Variants in ANKS1B observed in about 807,000 individuals in gnomAD.
The protein encoded by ANKS1B is ankyrin repeat and sterile alpha motif domain containing 1B.
ANKS1B carries 36 observed loss-of-function variants against 148.3 expected under a neutral mutation model. The observed-to-expected ratio is 0.24, with a 90% CI of 0.19 to 0.32. The LOEUF is 0.32. Ranked by LOEUF, ANKS1B falls within the 10% of genes least tolerant of loss-of-function variation. The pLI, the probability that ANKS1B is intolerant of heterozygous loss-of-function variation, is 1.00. For synonymous variants in ANKS1B, 542 were observed against 560.8 expected (o/e 0.97, Z 0.47); for missense variants, 1,157 against 1,542.6 (o/e 0.75, Z 4.19).
At chr12:99,122,572 G>C (rs1315671899) in intron 15 of ANKS1B, among the ~76,000 whole-genome samples, 1 of 152,112 alleles carries the variant, frequency 6.6e-6, no homozygotes, top group African/African-American at 2.4e-5. Context: ...GTGTATGCAA[G>C]GTAAATAACT....
rs192157772 is a variant in ANKS1B at position 99,362,065 on chromosome 12, C to T, written c.1756+37566G>A. On this transcript the variant is annotated intron_variant, in intron 12 of 26. Coordinates refer to ENST00000683438, the MANE Select transcript of ANKS1B (RefSeq NM_001352186.2). ...TAATTATGAAGAAAATCCTAATAAT[C>T]GACTTCATTGTAGACAATATCCTAA... 3.3e-4 allele frequency among the ~76,000 whole-genome samples: 50 copies of T among 152,092 alleles called. 1 individual carries two copies. The East Asian group carries it at 7.5e-3, about 23-fold the overall frequency.
intron 11 of ANKS1B, among the ~76,000 whole-genome samples, chr12:99,426,893 T>G (rs2095265106): frequency 6.6e-6 from 1 of 152,182 alleles, no homozygotes; most frequent in Admixed American, 6.5e-5. Flanking sequence ...GATTTTTGCC[T>G]AGATCTCACC....
chr12:99,098,672 C>T (rs1178215597), intron 15 of ANKS1B, among the ~76,000 whole-genome samples: 1 of 56,394 alleles, frequency 1.8e-5, no homozygotes. Flanking sequence ...GAACATAGCA[C>T]TGTAAATCTT....
At chr12:98,940,371 G>A (rs542648978) in intron 17 of ANKS1B, among the ~76,000 whole-genome samples, 1 of 152,276 alleles carries the variant, frequency 6.6e-6, no homozygotes, top group East Asian at 1.9e-4. Flanking sequence ...GTGAGGAGGG[G>A]GGTGCAGAGG....
chr12:99,870,936 C>T (rs2091434920), intron 1 of ANKS1B, among the ~76,000 whole-genome samples: 1 of 151,858 alleles, frequency 6.6e-6, no homozygotes, highest in Non-Finnish European at 1.5e-5. Context: ...AAATTAGGTC[C>T]TACTCGTCAA....
chr12:99,685,287 T>C (rs757376975), intron 8 of ANKS1B, among the ~76,000 whole-genome samples: 1 of 151,960 alleles, frequency 6.6e-6, no homozygotes, highest in Non-Finnish European at 1.5e-5. Flanking sequence ...GAATAGACAA[T>C]TCTCAAAAGA....
intron 12 of ANKS1B, among the ~76,000 whole-genome samples, chr12:99,315,074 C>G (rs2083799797): frequency 6.6e-6 from 1 of 151,828 alleles, no homozygotes; most frequent in Non-Finnish European, 1.5e-5. Context: ...GAAACCCCCT[C>G]TCTACTAAAA....
At chr12:99,862,917 T>C (rs2090222998) in intron 1 of ANKS1B, among the ~76,000 whole-genome samples, 1 of 152,172 alleles carries the variant, frequency 6.6e-6, no homozygotes, top group Non-Finnish European at 1.5e-5. Flanking sequence ...ATTCAGTTAT[T>C]AATTCTTAAC....
At chr12:99,205,107 G>C (rs1018274798) in intron 14 of ANKS1B, among the ~76,000 whole-genome samples, 1 of 152,166 alleles carries the variant, frequency 6.6e-6, no homozygotes, top group African/African-American at 2.4e-5. Context: ...TCATGCTAAA[G>C]TTCCACATCA....
chr12:98,898,528 C>A (rs1201657540), intron 17 of ANKS1B, among the ~76,000 whole-genome samples: 1 of 152,080 alleles, frequency 6.6e-6, no homozygotes, highest in Non-Finnish European at 1.5e-5. Context: ...AGAGGTTAAC[C>A]ACCATAATTA....
chr12:99,220,470 G>A (rs917033482), intron 14 of ANKS1B, among the ~76,000 whole-genome samples: 37 of 30,102 alleles, frequency 1.2e-3, no homozygotes, highest in African/African-American at 4.7e-3. Flanking sequence ...TTTTTTTTTT[G>A]AGATGGAGTC....
At chr12:99,057,815 A>G (rs1416116111) in intron 16 of ANKS1B, among the ~76,000 whole-genome samples, 4 of 152,188 alleles carry the variant, frequency 2.6e-5, no homozygotes, top group African/African-American at 9.7e-5. Flanking sequence ...AAGAATAGCA[A>G]GTGCTGAGAA....
At chr12:99,378,348 G>A (rs546072967) in intron 12 of ANKS1B, among the ~76,000 whole-genome samples, 1 of 152,202 alleles carries the variant, frequency 6.6e-6, no homozygotes, top group South Asian at 2.1e-4. Flanking sequence ...TTGTGTTGCT[G>A]AAAACACTGC....
chr12:98,843,791 A>C (rs2099426929), intron 17 of ANKS1B, among the ~76,000 whole-genome samples: 1 of 152,202 alleles, frequency 6.6e-6, no homozygotes, highest in Admixed American at 6.5e-5. Flanking sequence ...CTGAATCTTA[A>C]CATAAGTAAG....
intron 17 of ANKS1B, among the ~76,000 whole-genome samples, chr12:98,890,252 C>G (rs750518719): frequency 7.2e-5 from 11 of 151,994 alleles, no homozygotes; most frequent in Non-Finnish European, 1.3e-4. Context: ...ACTAATCTAC[C>G]AGTAGGGTGA....
chr12:99,769,880 A>G (rs2063028293), intron 8 of ANKS1B, among the ~76,000 whole-genome samples: 1 of 152,190 alleles, frequency 6.6e-6, no homozygotes, highest in African/African-American at 2.4e-5. Flanking sequence ...GTGCTTTTGC[A>G]CTTACTGTTT....
chr12:98,788,040 T>C (rs572096201), intron 22 of ANKS1B, among the ~76,000 whole-genome samples: 1 of 152,140 alleles, frequency 6.6e-6, no homozygotes, highest in South Asian at 2.1e-4. Flanking sequence ...AAAGAGGCCT[T>C]GCAAAGCTTG....
At chr12:98,811,346 T>C (rs1403362620) in intron 19 of ANKS1B, among the ~76,000 whole-genome samples, 1 of 152,160 alleles carries the variant, frequency 6.6e-6, no homozygotes, top group African/African-American at 2.4e-5. Context: ...CACATCCATG[T>C]GGCCCACATG....
At chr12:99,635,730 T>G (rs530035547) in intron 9 of ANKS1B, among the ~76,000 whole-genome samples, 2 of 152,174 alleles carry the variant, frequency 1.3e-5, no homozygotes, top group South Asian at 4.1e-4. Flanking sequence ...ACTTTAAAAA[T>G]AGTTAATATG....
Sources: allele counts gnomAD v4.1 joint callset (sites outside exome capture counted in the v4.1 genomes callset), GRCh38; gene constraint gnomAD v4.1.1; transcripts MANE v1.5; gene names NCBI Gene and HGNC (gene_info 2026-07-23, HGNC 2026-07-21).